TACR3: variants seen among roughly 807,000 people sequenced by gnomAD.
The protein encoded by TACR3 is neuromedin-K receptor.
A neutral mutation model predicts 35.0 loss-of-function variants in TACR3; 34 were observed. The observed-to-expected ratio is 0.97, with a 90% CI of 0.74 to 1.30. TACR3 has a LOEUF of 1.30. Ranked by LOEUF, TACR3 falls within the 50% of genes most tolerant of loss-of-function variation. TACR3 has a pLI of 0.00. For synonymous variants in TACR3, 233 were observed against 221.1 expected (o/e 1.05, Z -0.48); for missense variants, 558 against 591.7 (o/e 0.94, Z 0.59).
chr4:103,621,933 A>G (rs1284167583), intron 3 of TACR3, among the ~76,000 whole-genome samples: 1 of 152,212 alleles, frequency 6.6e-6, no homozygotes, highest in Non-Finnish European at 1.5e-5. Context: ...GATTATCCAA[A>G]TGAGATCCTA....
intron 1 of TACR3, among the ~76,000 whole-genome samples, chr4:103,667,004 T>A (rs777631882): frequency 5.3e-5 from 8 of 152,142 alleles, no homozygotes; most frequent in Non-Finnish European, 1.2e-4. Flanking sequence ...ATGCCTGTAA[T>A]CCCAGCACTT....
chr4:103,615,327 GAGTTAAAGC>G (rs938563725), intron 3 of TACR3, among the ~76,000 whole-genome samples: 1 of 151,932 alleles, frequency 6.6e-6, no homozygotes, highest in Non-Finnish European at 1.5e-5. Context: ...CAGCTAGTAG[GAGTTAAAGC>G]AGTTAAAACA....
chr4:103,613,704 G>A (rs537392253), intron 3 of TACR3, among the ~76,000 whole-genome samples: 1 of 152,274 alleles, frequency 6.6e-6, no homozygotes, highest in South Asian at 2.1e-4. Flanking sequence ...TAGATTGGGT[G>A]GCTTAAACAA....
intron 1 of TACR3, among the ~76,000 whole-genome samples, chr4:103,704,316 G>A (rs2110226047): frequency 6.6e-6 from 1 of 152,172 alleles, no homozygotes; most frequent in Middle Eastern, 3.4e-3. Context: ...AAAAGGAGAT[G>A]GCATCCTACT....
At chr4:103,622,338 A>T (rs1724801074) in intron 3 of TACR3, among the ~76,000 whole-genome samples, 1 of 152,256 alleles carries the variant, frequency 6.6e-6, no homozygotes, top group African/African-American at 2.4e-5. Context: ...GTCATGGTTC[A>T]GAAGACAGAT....
At chr4:103,674,946 T>G (rs1330335156) in intron 1 of TACR3, among the ~76,000 whole-genome samples, 1 of 152,228 alleles carries the variant, frequency 6.6e-6, no homozygotes, top group Non-Finnish European at 1.5e-5. Context: ...AGATGTAAAT[T>G]ATTTTATATT....
At chr4:103,613,020 T>C (rs1724545898) in intron 3 of TACR3, among the ~76,000 whole-genome samples, 2 of 152,198 alleles carry the variant, frequency 1.3e-5, no homozygotes, top group African/African-American at 4.8e-5. Flanking sequence ...TGAGAGAGTG[T>C]TATAAAGTTT....
intron 3 of TACR3, among the ~76,000 whole-genome samples, chr4:103,622,909 T>A (rs1724814161): frequency 6.6e-6 from 1 of 151,994 alleles, no homozygotes; most frequent in Non-Finnish European, 1.5e-5. Flanking sequence ...TTTAAGAAAC[T>A]ACACTTCCAA....
chr4:103,630,396 T>C (rs989505368), intron 3 of TACR3, among the ~76,000 whole-genome samples: 8 of 152,148 alleles, frequency 5.3e-5, no homozygotes, highest in African/African-American at 1.9e-4. Flanking sequence ...TCAGAGTGAA[T>C]AGGCAACTTA....
At chr4:103,680,494 TACAC>T (rs957508252) in intron 1 of TACR3, among the ~76,000 whole-genome samples, 1 of 98,714 alleles carries the variant, frequency 1.0e-5, no homozygotes, top group Admixed American at 1.0e-4. Context: ...TATACATACA[TACAC>T]ACACACACAC....
intron 1 of TACR3, among the ~76,000 whole-genome samples, chr4:103,664,390 C>A (rs1314588893): frequency 6.6e-6 from 1 of 152,076 alleles, no homozygotes; most frequent in African/African-American, 2.4e-5. Context: ...CTTTTGTTGG[C>A]ATTTTTATTA....
intron 3 of TACR3, among the ~76,000 whole-genome samples, chr4:103,603,807 T>A (rs1724272259): frequency 6.6e-6 from 1 of 152,144 alleles, no homozygotes; most frequent in South Asian, 2.1e-4. Context: ...AAAGCATTCC[T>A]ATTTCTCCAC....
rs190335561 is a variant in TACR3, at chr4:103,615,138, C to T, written c.889-23455G>A. Among the ~76,000 whole-genome samples the T allele has an allele frequency of 4.7e-3, 712 of 151,880 alleles. 1 individual carries two copies. Among genetic ancestry groups the T allele is most frequent in the Non-Finnish European group, 8.2e-3 (556 of 67,930 alleles). ...GTCTCGATCTCCTGACCTCGTGATC[C>T]GCCCACCTCGGCCTCCCAAAGTGCT... On this transcript the variant is annotated intron_variant, in intron 3 of 4. Transcript: ENST00000304883.
intron 3 of TACR3, among the ~76,000 whole-genome samples, chr4:103,649,041 T>C (rs1725524796): frequency 6.6e-6 from 1 of 152,128 alleles, no homozygotes; most frequent in Admixed American, 6.6e-5. Flanking sequence ...TGATCAATAA[T>C]GTTGAGCATC....
At chr4:103,688,618 C>T (rs1183196218) in intron 1 of TACR3, among the ~76,000 whole-genome samples, 3 of 150,528 alleles carry the variant, frequency 2.0e-5, no homozygotes, top group Middle Eastern at 3.4e-3. Flanking sequence ...CAAAAGAAGA[C>T]ATTTATGCAG....
At chr4:103,715,231 G>A (rs1476991549) in intron 1 of TACR3, among the ~76,000 whole-genome samples, 1 of 152,154 alleles carries the variant, frequency 6.6e-6, no homozygotes, top group African/African-American at 2.4e-5. Context: ...TGTTGGAAGT[G>A]GGGCCTGGAG....
intron 3 of TACR3, among the ~76,000 whole-genome samples, chr4:103,636,235 CA>C (rs1445021854): frequency 6.6e-6 from 1 of 151,854 alleles, no homozygotes; most frequent in Non-Finnish European, 1.5e-5. Flanking sequence ...TGCTAGAAAA[CA>C]AACCCATCTG....
Position 103,656,181 on chromosome 4 carries a change from C to A in TACR3, c.888+13G>T, listed in dbSNP as rs756932839. 5.6e-6 allele frequency: 9 copies of A among 1,612,590 alleles called. No individual in the cohort carries two copies. The highest frequency in any genetic ancestry group is 5.9e-6 in the Non-Finnish European group (7 of 1,178,980). On this transcript the variant is annotated intron_variant, in intron 3 of 4. Coordinates refer to ENST00000304883, the MANE Select transcript of TACR3 (RefSeq NM_001059.3). ...ACCTATACAAATGCTAGGTAAACAA[C>A]ATGGACCAGTACCTTTCTTTTGGCC...
chr4:103,667,599 C>T (rs1239041373), intron 1 of TACR3, among the ~76,000 whole-genome samples: 6 of 151,882 alleles, frequency 4.0e-5, no homozygotes, highest in Non-Finnish European at 7.4e-5. Flanking sequence ...TACTTGTGCC[C>T]CATAAATATG....
Sources: allele counts gnomAD v4.1 joint callset (sites outside exome capture counted in the v4.1 genomes callset), GRCh38; gene constraint gnomAD v4.1.1; transcripts MANE v1.5; gene names NCBI Gene and HGNC (gene_info 2026-07-23, HGNC 2026-07-21).